GMDS: variants seen among roughly 807,000 people sequenced by gnomAD.
GMDS encodes GDP-mannose 4,6-dehydratase, also known as GDP-mannose 4,6 dehydratase.
A neutral mutation model predicts 49.9 loss-of-function variants in GMDS; 20 were observed. The observed-to-expected ratio is 0.40, with a 90% CI of 0.28 to 0.58. The LOEUF (loss-of-function observed/expected upper bound fraction) is 0.58. Ranked by LOEUF, GMDS falls within the 20% of genes least tolerant of loss-of-function variation. The pLI is 0.42. For synonymous variants in GMDS, 177 were observed against 178.6 expected (o/e 0.99, Z 0.07); for missense variants, 362 against 481.4 (o/e 0.75, Z 2.32).
At chr6:1,648,732 A>G (rs995964697) in intron 9 of GMDS, among the ~76,000 whole-genome samples, 10 of 152,362 alleles carry the variant, frequency 6.6e-5, no homozygotes, top group African/African-American at 2.4e-4. Flanking sequence ...GTAACTTTCA[A>G]CGATTTAGAA....
At chr6:1,894,663 T>C (rs1561870522) in intron 7 of GMDS, among the ~76,000 whole-genome samples, 1 of 152,186 alleles carries the variant, frequency 6.6e-6, no homozygotes, top group African/African-American at 2.4e-5. Flanking sequence ...AGGGAATAAA[T>C]GTAAATCAAG....
At chr6:2,011,226 T>A (rs1767538307) in intron 4 of GMDS, among the ~76,000 whole-genome samples, 1 of 152,046 alleles carries the variant, frequency 6.6e-6, no homozygotes. Flanking sequence ...ATCAGGGAAA[T>A]GCAAATTAAA....
chr6:1,644,836 C>T (rs1469574071), intron 9 of GMDS, among the ~76,000 whole-genome samples: 1 of 152,060 alleles, frequency 6.6e-6, no homozygotes, highest in East Asian at 1.9e-4. Flanking sequence ...CACCTACATT[C>T]TGCAGATGAG....
intron 4 of GMDS, among the ~76,000 whole-genome samples, chr6:2,026,452 C>T (rs1051220714): frequency 3.9e-5 from 6 of 152,108 alleles, no homozygotes; most frequent in Non-Finnish European, 7.4e-5. Flanking sequence ...GCAATTTACA[C>T]GAGACATAAA....
chr6:2,198,987 C>T (rs1379261731), intron 1 of GMDS, among the ~76,000 whole-genome samples: 1 of 152,168 alleles, frequency 6.6e-6, no homozygotes, highest in Non-Finnish European at 1.5e-5. Context: ...AAGTGTTTGC[C>T]ATTGCTAACC....
intron 1 of GMDS, among the ~76,000 whole-genome samples, chr6:2,207,499 C>G (rs936222433): frequency 2.6e-5 from 4 of 151,932 alleles, no homozygotes; most frequent in African/African-American, 9.7e-5. Flanking sequence ...TGAAGACTAA[C>G]TGGTTGTCCA....
intron 8 of GMDS, among the ~76,000 whole-genome samples, chr6:1,730,343 T>C (rs1366806232): frequency 1.3e-5 from 2 of 152,168 alleles, no homozygotes; most frequent in African/African-American, 2.4e-5. Flanking sequence ...GGAAAGCAGA[T>C]GGATGAGTGT....
chr6:1,745,089 C>T (rs1315569674), intron 7 of GMDS, among the ~76,000 whole-genome samples: 2 of 152,230 alleles, frequency 1.3e-5, no homozygotes, highest in African/African-American at 2.4e-5. Context: ...CCTATCTGAA[C>T]GTTCTTCTGC....
intron 7 of GMDS, among the ~76,000 whole-genome samples, chr6:1,763,610 C>T (rs1052173174): frequency 2.0e-5 from 3 of 152,022 alleles, no homozygotes; most frequent in Non-Finnish European, 4.4e-5. Flanking sequence ...CATAGATTGC[C>T]CTGTGTGTGA....
chr6:1,965,394 A>G (rs1198637018), intron 4 of GMDS, among the ~76,000 whole-genome samples: 1 of 152,246 alleles, frequency 6.6e-6, no homozygotes, highest in East Asian at 1.9e-4. Flanking sequence ...TTGATATTCA[A>G]CATGCTACAG....
rs192125145 is a variant in GMDS, at chr6:2,117,569, A to G, written c.148-13T>C. ...CAATTCCATGGACCTGAGTTTTTACAGTGTGGAAAGATAAATGTGCAATGA... is the reference window on the plus strand; with the variant it reads ...CAATTCCATGGACCTGAGTTTTTACGGTGTGGAAAGATAAATGTGCAATGA... On this transcript the variant is annotated splice_polypyrimidine_tract_variant and intron_variant, in intron 2 of 10. Transcript: ENST00000380815. 5.7e-5 allele frequency: 84 copies of G among 1,464,984 alleles called. 1 individual carries two copies. The Admixed American group carries it at 7.7e-4, about 13-fold the overall frequency. The allele number at this position is 1,464,984 out of a possible 1,614,324, so 90.7% of individuals were successfully genotyped here.
intron 9 of GMDS, among the ~76,000 whole-genome samples, chr6:1,692,578 T>G (rs1442846534): frequency 3.3e-5 from 5 of 152,258 alleles, no homozygotes; most frequent in African/African-American, 1.2e-4. Context: ...ACTGATTCTC[T>G]GTTAATTTTT....
intron 1 of GMDS, among the ~76,000 whole-genome samples, chr6:2,135,830 A>T (rs1775968504): frequency 6.6e-6 from 1 of 152,254 alleles, no homozygotes. Flanking sequence ...ACATGTTAAT[A>T]AAAAATTATC....
At chr6:1,945,361 G>A (rs1344637737) in intron 6 of GMDS, among the ~76,000 whole-genome samples, 1 of 152,088 alleles carries the variant, frequency 6.6e-6, no homozygotes. Flanking sequence ...CAGAGACTGA[G>A]CCTGTGTGGC....
At chr6:1,912,404 T>G (rs2113879734) in intron 7 of GMDS, among the ~76,000 whole-genome samples, 1 of 152,278 alleles carries the variant, frequency 6.6e-6, no homozygotes, top group South Asian at 2.1e-4. Context: ...CAAAGGACTG[T>G]GGGGAGCACT....
At chr6:2,116,494 A>C (rs1451400824) in intron 3 of GMDS, among the ~76,000 whole-genome samples, 2 of 152,234 alleles carry the variant, frequency 1.3e-5, no homozygotes, top group Non-Finnish European at 2.9e-5. Flanking sequence ...TTTTTACATA[A>C]TATTGATCTA....
chr6:2,241,828 A>G (rs556612537), intron 1 of GMDS, among the ~76,000 whole-genome samples: 13 of 152,346 alleles, frequency 8.5e-5, no homozygotes, highest in Admixed American at 2.6e-4. Flanking sequence ...ACCCAGCCTC[A>G]GGTATTCCTT....
At position 1,950,199 on chromosome 6, in the gene GMDS, C is replaced by A. The variant is rs181229937; in HGVS notation, c.643+9668G>T. Among the ~76,000 whole-genome samples, 670 of 152,310 alleles carry A rather than the reference C, an allele frequency of 4.4e-3. 1 individual carries two copies. The highest frequency in any genetic ancestry group is 7.1e-3 in the Non-Finnish European group (482 of 68,018). The stretch of plus-strand genomic sequence containing the variant: ...TATATTATTCCCTAAAGCACTAAAA[C>A]ATCTATGAATTCTAATAGTTTTAAA... On this transcript the variant is annotated intron_variant, in intron 6 of 10. Transcript: ENST00000380815.
chr6:2,161,067 A>C (rs1275144436), intron 1 of GMDS, among the ~76,000 whole-genome samples: 1 of 152,016 alleles, frequency 6.6e-6, no homozygotes, highest in African/African-American at 2.4e-5. Context: ...GCTGGAGTGC[A>C]ATGGTGTGAT....
Sources: allele counts gnomAD v4.1 joint callset (sites outside exome capture counted in the v4.1 genomes callset), GRCh38; gene constraint gnomAD v4.1.1; transcripts MANE v1.5; gene names NCBI Gene and HGNC (gene_info 2026-07-23, HGNC 2026-07-21).